ALOX12B: variants seen among roughly 807,000 people sequenced by gnomAD.
ALOX12B encodes arachidonate 12-lipoxygenase, 12R type, also known as arachidonate 12-lipoxygenase, 12R-type.
In ALOX12B, 47 loss-of-function variants were observed where a neutral mutation model predicts 78.9. That is an observed-to-expected ratio of 0.60 (90% CI 0.47 to 0.76). ALOX12B has a LOEUF of 0.76. Ranked by LOEUF, ALOX12B falls within the 30% of genes least tolerant of loss-of-function variation. The pLI, the probability that ALOX12B is intolerant of heterozygous loss-of-function variation, is 0.00. For synonymous variants in ALOX12B, 370 were observed against 374.5 expected (o/e 0.99, Z 0.14); for missense variants, 805 against 922.6 (o/e 0.87, Z 1.65).
chr17:8,083,327 A>G (rs1187351388), intron 2 of ALOX12B, among the ~76,000 whole-genome samples: 1 of 152,230 alleles, frequency 6.6e-6, no homozygotes, highest in Non-Finnish European at 1.5e-5. Context: ...CTGTATCCCC[A>G]TGCCCATTTT....
Position 8,081,201 on chromosome 17 carries a change from A to G in ALOX12B, c.353-14T>C. 1 of 1,613,396 alleles carries G rather than the reference A, an allele frequency of 6.2e-7. No individual in the cohort carries two copies. Among genetic ancestry groups the G allele is most frequent in the Non-Finnish European group, 8.5e-7 (1 of 1,179,426 alleles). On this transcript the variant is annotated splice_polypyrimidine_tract_variant and intron_variant, in intron 2 of 14. Coordinates refer to ENST00000647874, the MANE Select transcript of ALOX12B (RefSeq NM_001139.3). The stretch of plus-strand genomic sequence containing the variant: ...CTGTTGTCTTTCCTGTAGGGAGACC[A>G]AGGAGAGGACTCAAGGGCTGACCCT...
chr17:8,077,819 A>C (rs1977119800), intron 8 of ALOX12B, among the ~76,000 whole-genome samples: 1 of 152,206 alleles, frequency 6.6e-6, no homozygotes, highest in African/African-American at 2.4e-5. Context: ...TGGATGGATG[A>C]AGTCAAAGAG....
intron 11 of ALOX12B, 46 bp downstream of exon 11, chr17:8,076,129 C>T: frequency 6.2e-7 from 1 of 1,611,638 alleles, no homozygotes; most frequent in Non-Finnish European, 8.5e-7. Context: ...CTCCAACATC[C>T]CAGGTTGTCC....
Position 8,081,102 on chromosome 17 carries a change from T to A in ALOX12B, c.434+4A>T, listed in dbSNP as rs1467039403. On this transcript the variant is annotated splice_donor_region_variant and intron_variant, in intron 3 of 14. Transcript: ENST00000647874. The stretch of plus-strand genomic sequence containing the variant: ...CGCCCAGACTCTGCCACCCGCCCCC[T>A]CACTGGTAGAAGTCCTGCTTGGCTC... The A allele has an allele frequency of 1.2e-6, 2 of 1,612,202 alleles. No individual in the cohort carries two copies. Among genetic ancestry groups the A allele is most frequent in the Non-Finnish European group, 1.7e-6 (2 of 1,179,624 alleles).
At chr17:8,083,160 A>G (rs548245779) in intron 2 of ALOX12B, among the ~76,000 whole-genome samples, 34 of 152,296 alleles carry the variant, frequency 2.2e-4, no homozygotes, top group Middle Eastern at 3.4e-3. Flanking sequence ...TATATGGGGT[A>G]TGTGTGTGAT....
intron 8 of ALOX12B, among the ~76,000 whole-genome samples, chr17:8,078,731 C>G (rs1977141513): frequency 1.3e-5 from 2 of 152,092 alleles, no homozygotes; most frequent in Non-Finnish European, 2.9e-5. Context: ...TTGCAAGGTG[C>G]ATCTCCACCT....
Position 8,072,963 on chromosome 17 carries a change from A to G in ALOX12B, c.1927-13T>C. On this transcript the variant is annotated splice_polypyrimidine_tract_variant and intron_variant, in intron 14 of 14. Coordinates refer to ENST00000647874, the MANE Select transcript of ALOX12B (RefSeq NM_001139.3). Reference sequence around the variant, plus strand: ...GTCCCAGGGGCCGCTGCGGGCAGAGAGCTCGACAGCTGGGACCAGGGCCGG... The same window carrying G: ...GTCCCAGGGGCCGCTGCGGGCAGAGGGCTCGACAGCTGGGACCAGGGCCGG... 1 of 1,608,798 alleles carries G rather than the reference A, an allele frequency of 6.2e-7. No individual in the cohort carries two copies. The highest frequency in any genetic ancestry group is 8.5e-7 in the Non-Finnish European group (1 of 1,177,196).
chr17:8,075,845 A>T (rs752563332), intron 11 of ALOX12B, 129 bp from the exon 12 acceptor site: 14 of 1,477,458 alleles, frequency 9.5e-6, no homozygotes, highest in Non-Finnish European at 1.3e-5. Flanking sequence ...GTGGGAGGGC[A>T]AGTCCTGTGG....
At position 8,073,261 on chromosome 17, in the gene ALOX12B, G is replaced by C; in HGVS notation, c.1813C>G (p.Gln605Glu). 1.2e-6 allele frequency: 2 copies of C among 1,614,210 alleles called. No individual in the cohort carries two copies. Among genetic ancestry groups the C allele is most frequent in the Non-Finnish European group, 1.7e-6 (2 of 1,180,034 alleles). Reference protein sequence around the residue: ...FPASMRNPPIQTKGLTTLETF... With the variant: ...FPASMRNPPIETKGLTTLETF... ...TCCAGAGTGGTCAGCCCCTTAGTCT[G>C]AATCGGTGGATTCCGCATGGACGCT... The change falls in exon 14 of 15, where the codon CAG (glutamine) becomes GAG (glutamate). Residue 605 changes from glutamine (Q) to glutamate (E), a missense_variant. Physicochemically the swap from Gln to Glu is conservative, Grantham distance 29 (BLOSUM62 2). Transcript: ENST00000647874.
In ALOX12B at chr17:8,075,640, C is replaced by T. The variant is rs962267153; in HGVS notation, c.1609G>A (p.Val537Met). The change falls in exon 12 of 15, where the codon GTG (valine) becomes ATG (methionine). Residue 537 changes from valine to methionine, a missense_variant. Transcript: ENST00000647874. ...AGGCACTCTTTAAATATTTCCTGCACCCAAGACTGCAATTCCGGATCACCC... is the reference window on the plus strand; with the variant it reads ...AGGCACTCTTTAAATATTTCCTGCATCCAAGACTGCAATTCCGGATCACCC... The part of the protein sequence containing the change: ...VEGDPELQSW[V>M]QEIFKECLLG... 1.2e-6 allele frequency: 2 copies of T among 1,614,174 alleles called. No individual in the cohort carries two copies. The highest frequency in any genetic ancestry group is 8.5e-7 in the Non-Finnish European group (1 of 1,180,034).
chr17:8,082,106 A>T (rs1472621332), intron 2 of ALOX12B, among the ~76,000 whole-genome samples: 8 of 152,290 alleles, frequency 5.3e-5, no homozygotes, highest in African/African-American at 1.7e-4. Context: ...TCCACTGTGT[A>T]TATATACCAC....
At position 8,076,754 on chromosome 17, in the gene ALOX12B, A is replaced by G; in HGVS notation, c.1276-11T>C. The G allele has an allele frequency of 6.5e-7, 1 of 1,549,646 alleles. No homozygotes were observed. The highest frequency in any genetic ancestry group is 1.2e-5 in the South Asian group (1 of 83,994). On this transcript the variant is annotated splice_polypyrimidine_tract_variant and intron_variant, in intron 9 of 14. Coordinates refer to ENST00000647874, the MANE Select transcript of ALOX12B (RefSeq NM_001139.3). ...ATGGGGGATGAGGAGCTGTGGGGAG[A>G]GCAAGGAGGATGAAGAGAGAGGGCT...
intron 2 of ALOX12B, among the ~76,000 whole-genome samples, chr17:8,083,600 A>G (rs1978289939): frequency 6.6e-6 from 1 of 152,104 alleles, no homozygotes; most frequent in Non-Finnish European, 1.5e-5. Context: ...GTGGTGTTGC[A>G]TGCCTGTAAT....
chr17:8,073,124 A>G (rs1490662054), intron 14 of ALOX12B, 24 bp downstream of exon 14: 1 of 1,613,814 alleles, frequency 6.2e-7, no homozygotes, highest in Non-Finnish European at 8.5e-7. Flanking sequence ...CCCTGTGCTC[A>G]GAGTCCCCCA....
intron 12 of ALOX12B, among the ~76,000 whole-genome samples, chr17:8,075,255 T>C (rs1253916751): frequency 6.6e-6 from 1 of 152,220 alleles, no homozygotes; most frequent in Non-Finnish European, 1.5e-5. Context: ...CCTGGCCTCC[T>C]GCCCCTTCCC....
In ALOX12B at chr17:8,076,723, T is replaced by C. The variant is rs1598178707; in HGVS notation, c.1296A>G (p.Arg432=). The change falls in exon 10 of 15, where the codon CGA becomes CGG. Residue 432 remains arginine (R), a synonymous_variant. Coordinates refer to ENST00000647874, the MANE Select transcript of ALOX12B (RefSeq NM_001139.3). ...PLYKLLIPHT[R]YTVQINSIGR... ...CAATGCTGTTGATCTGGACGGTGTATCGGGTATGGGGGATGAGGAGCTGTG... is the reference window on the plus strand; with the variant it reads ...CAATGCTGTTGATCTGGACGGTGTACCGGGTATGGGGGATGAGGAGCTGTG... 3 of 1,550,574 alleles carry C rather than the reference T, an allele frequency of 1.9e-6. No individual in the cohort carries two copies. The highest frequency in any genetic ancestry group is 2.6e-6 in the Non-Finnish European group (3 of 1,147,078).
In ALOX12B at chr17:8,073,837, C is replaced by T. The variant is rs149842738; in HGVS notation, c.1655-80G>A. The T allele has an allele frequency of 2.9e-3, 3,342 of 1,135,410 alleles. 29 individuals carry two copies. Among genetic ancestry groups the T allele is most frequent in the Middle Eastern group, 0.014 (69 of 5,026 alleles). 70.3% of individuals were successfully genotyped at this position (1,135,410 alleles called of 1,614,324 possible). A position where few individuals can be genotyped will look rare whatever the true frequency, so the allele number is the denominator to read the frequency against. ...CCCGGCAGAGGGCGCCACCATGCCC[C>T]GCTCTCACCGTTTTGCAAAAGCTTC... On this transcript the variant is annotated intron_variant, in intron 12 of 14. Coordinates refer to ENST00000647874, the MANE Select transcript of ALOX12B (RefSeq NM_001139.3).
In ALOX12B at chr17:8,080,880, T is replaced by G. The variant is rs749478774; in HGVS notation, c.527+4A>C. 4 of 1,613,926 alleles carry G rather than the reference T, an allele frequency of 2.5e-6. No individual in the cohort carries two copies. In the South Asian group the frequency reaches 4.4e-5, roughly 18 times the overall value. ...CGGGGCCCAGCACAGCTTCGGGTCCTTACTCAGGCCGGTTGGGGTTGCGAT... is the reference window on the plus strand; with the variant it reads ...CGGGGCCCAGCACAGCTTCGGGTCCGTACTCAGGCCGGTTGGGGTTGCGAT... On this transcript the variant is annotated splice_donor_region_variant and intron_variant, in intron 4 of 14. Coordinates refer to ENST00000647874, the MANE Select transcript of ALOX12B (RefSeq NM_001139.3). The surrounding 1 kb of genome is among the most constrained non-coding windows in gnomAD (Gnocchi z 4.8).
chr17:8,082,360 A>T (rs7219450), intron 2 of ALOX12B, among the ~76,000 whole-genome samples: 62,998 of 151,984 alleles, frequency 0.41, 13,383 homozygotes, highest in East Asian at 0.58. Context: ...TAAGCTGTGG[A>T]AAGTCACAAA....
Sources: gnomAD v4.1 joint callset for allele counts (sites outside exome capture counted in the v4.1 genomes callset) on GRCh38, gnomAD v4.1.1 for gene constraint, Gnocchi (gnomAD v3.1) non-coding constraint, MANE v1.5 for transcripts, NCBI Gene and HGNC (gene_info 2026-07-23, HGNC 2026-07-21) for gene names.